BPIFB4: variants seen among roughly 807,000 people sequenced by gnomAD.
The protein encoded by BPIFB4 is BPI fold-containing family B member 4.
Under a neutral mutation model 69.2 loss-of-function variants are expected in BPIFB4, and 62 were observed. The ratio of observed to expected loss-of-function variants is 0.90; its 90% CI spans 0.73 to 1.11. BPIFB4 has a LOEUF of 1.11. Ranked by LOEUF, BPIFB4 falls within the 50% of genes least tolerant of loss-of-function variation. The probability of loss-of-function intolerance (pLI) is 0.00; values close to 1 mark genes in which losing one functional copy is unlikely to be tolerated. For missense variants in BPIFB4, 789 were observed against 792.0 expected, an observed-to-expected ratio of 1.00 and a Z score of 0.04; for synonymous variants, 330 against 332.7, an observed-to-expected ratio of 0.99 and a Z score of 0.09.
At chr20:33,100,290 A>C in intron 13 of BPIFB4, 136 bp from the exon 14 acceptor site, 1 of 663,248 alleles carries the variant, frequency 1.5e-6, no homozygotes, top group South Asian at 2.1e-5. Flanking sequence ...GGTCTGACCC[A>C]GGCCTCGGGG....
Position 33,081,631 on chromosome 20 carries a change from T to C in BPIFB4, c.105T>C (p.Asn35=). The change falls in exon 3 of 18, where the codon AAT becomes AAC. Residue 35 remains asparagine (N), a splice_region_variant and synonymous_variant. Coordinates refer to ENST00000375483, the MANE Select transcript of BPIFB4 (RefSeq NM_182519.3). ...GGGTGACGAAAGATGTGTTGAGCAA[T>C]GGTGAGTCCAGCCCCAAAGGGGTGA... ...VLRVTKDVLS[N]AISGMLQQSD... is the part of the protein sequence containing the mutation. The C allele has an allele frequency of 6.4e-7, 1 of 1,551,610 alleles. No individual in the cohort carries two copies. Among genetic ancestry groups the C allele is most frequent in the Middle Eastern group, 1.7e-4 (1 of 5,992 alleles).
At chr20:33,082,900 G>A (rs1384696018) in intron 3 of BPIFB4, 38 bp from the exon 4 acceptor site, 4 of 1,587,418 alleles carry the variant, frequency 2.5e-6, no homozygotes, top group Non-Finnish European at 3.5e-6. Context: ...GTGGAAAAAA[G>A]GGAGGAACCC....
At chr20:33,089,262 C>T (rs542352381) in intron 8 of BPIFB4, among the ~76,000 whole-genome samples, 4 of 152,298 alleles carry the variant, frequency 2.6e-5, no homozygotes, top group East Asian at 3.9e-4. Flanking sequence ...GGGTTTGAAT[C>T]CCGGCTTGGG....
In BPIFB4 at chr20:33,083,386, CA is replaced by C; in HGVS notation, c.191del (p.Asn64MetfsTer169). 1 of 1,613,342 alleles carries C rather than the reference CA, an allele frequency of 6.2e-7. No individual in the cohort carries two copies. Among genetic ancestry groups the C allele is most frequent in the Non-Finnish European group, 8.5e-7 (1 of 1,179,562 alleles). On this transcript the variant is annotated frameshift_variant, in exon 5 of 18. Transcript: ENST00000375483. LOFTEE classifies it high-confidence loss of function. Reference protein sequence around the residue: ...VPLGVGDIPYNDFHVRGPPPV... With the variant: ...VPLGVGDIPYXDFHVRGPPPV... ...CCCGAGGTGTTGGTGATATTCCCTA[CA>C]ATGACTTCCATGTCCGAGGACCCCC...
chr20:33,085,154 G>A (rs1447487642), intron 6 of BPIFB4, among the ~76,000 whole-genome samples, 158 bp downstream of exon 6: 1 of 152,218 alleles, frequency 6.6e-6, no homozygotes, highest in Non-Finnish European at 1.5e-5. Flanking sequence ...TAGCACAGTG[G>A]TTAAGATCTG....
intron 7 of BPIFB4, among the ~76,000 whole-genome samples, chr20:33,086,601 G>A (rs1383241178): frequency 6.6e-6 from 1 of 152,154 alleles, no homozygotes; most frequent in Non-Finnish European, 1.5e-5. Context: ...CAGGAATTGA[G>A]ATAAGGAATG....
At position 33,086,025 on chromosome 20, in the gene BPIFB4, A is replaced by G. The variant is rs751800937; in HGVS notation, c.787A>G (p.Ile263Val). 6.2e-7 allele frequency: 1 copy of G among 1,607,174 alleles called. No homozygotes were observed. The highest frequency in any genetic ancestry group is 8.5e-7 in the Non-Finnish European group (1 of 1,174,344). Reference sequence around the variant, plus strand: ...TGGCCCCTTGGCCTCCTCCAGTCTTATTGGCTTCCTGGACATCGCAGTAGA... The same window carrying G: ...TGGCCCCTTGGCCTCCTCCAGTCTTGTTGGCTTCCTGGACATCGCAGTAGA... ...TRVAINGKSL[I>V]GFLDIAVEVN... is the part of the protein sequence containing the mutation. The change falls in exon 7 of 18, where the codon ATT becomes GTT. Residue 263 changes from isoleucine to valine, a missense_variant. By Grantham distance (29) the Ile-to-Val change is conservative (BLOSUM62 3). Coordinates refer to ENST00000375483, the MANE Select transcript of BPIFB4 (RefSeq NM_182519.3).
chr20:33,088,466 T>C (rs1981500499), intron 7 of BPIFB4, among the ~76,000 whole-genome samples: 1 of 152,246 alleles, frequency 6.6e-6, no homozygotes, highest in African/African-American at 2.4e-5. Flanking sequence ...ATCCATCCTT[T>C]CTTGTGGATC....
chr20:33,086,156 G>T lies in BPIFB4; in HGVS notation c.918G>T (p.Leu306=), dbSNP rs1453687850. ...DTLLGGIKVK[L]LRGLLPNLVD... ...TCCTAGGGGGCATCAAAGTCAAGCT[G>T]CTGCGAGGGTGAGTGCTAGCCGGCA... Residue 306 remains leucine (L), a synonymous_variant, in exon 7 of 18, where the codon CTG becomes CTT. Coordinates refer to ENST00000375483, the MANE Select transcript of BPIFB4 (RefSeq NM_182519.3). 1 of 1,605,446 alleles carries T rather than the reference G, an allele frequency of 6.2e-7. No homozygotes were observed. The highest frequency in any genetic ancestry group is 8.5e-7 in the Non-Finnish European group (1 of 1,172,858).
intron 11 of BPIFB4, among the ~76,000 whole-genome samples, chr20:33,094,864 A>C (rs1380808684): frequency 6.6e-6 from 1 of 151,902 alleles, no homozygotes; most frequent in Non-Finnish European, 1.5e-5. Flanking sequence ...TCTTTGAAAC[A>C]CTCCTTGGTC....
chr20:33,083,228 G>A (rs1179750016), intron 4 of BPIFB4, 139 bp from the exon 5 acceptor site: 7 of 719,278 alleles, frequency 9.7e-6, no homozygotes, highest in South Asian at 3.3e-5. Flanking sequence ...GGGTGGCAGT[G>A]GTGGGGGGCT....
At chr20:33,093,350 C>T (rs987677815) in intron 11 of BPIFB4, among the ~76,000 whole-genome samples, 4 of 151,360 alleles carry the variant, frequency 2.6e-5, no homozygotes, top group African/African-American at 7.3e-5. Context: ...TATTTATCCA[C>T]CAGTCCTTCC....
chr20:33,103,583 C>G (rs1335808876), intron 15 of BPIFB4, among the ~76,000 whole-genome samples: 1 of 151,396 alleles, frequency 6.6e-6, no homozygotes, highest in East Asian at 1.9e-4. Flanking sequence ...TCTTGGGTGC[C>G]CCACCCCCAC....
chr20:33,111,724 T>G lies in BPIFB4; in HGVS notation c.*287T>G, dbSNP rs1004110295. 5 of 432,272 alleles carry G rather than the reference T, an allele frequency of 1.2e-5. No individual in the cohort carries two copies. Among genetic ancestry groups the G allele is most frequent in the African/African-American group, 9.7e-5 (5 of 51,388 alleles). The allele number at this position is 432,272 out of a possible 1,614,324, so 26.8% of individuals were successfully genotyped here. A position where few individuals can be genotyped will look rare whatever the true frequency, so the allele number is the denominator to read the frequency against. On this transcript the variant is annotated 3_prime_UTR_variant, in exon 18 of 18. Coordinates refer to ENST00000375483, the MANE Select transcript of BPIFB4 (RefSeq NM_182519.3). ...TGACAGCAGGTTGAGTATTCCCACT[T>G]TCAATAAAAGACTCCACTTTCCCGG...
intron 17 of BPIFB4, among the ~76,000 whole-genome samples, chr20:33,109,291 T>TTCATCA (rs3049389): frequency 3.0e-4 from 45 of 152,144 alleles, no homozygotes; most frequent in African/African-American, 1.1e-3. Flanking sequence ...CAGGTTTATC[T>TTCATCA]TCATCATCAT....
chr20:33,104,862 C>CCG lies in BPIFB4; in HGVS notation c.1735_1736dup (p.Met580GlnfsTer2), dbSNP rs1982003522. ...AAGATTTTTGACCTGGCATTCATGC[C>CCG]CGCAATGAACGGTGAGAGCGGGTGC... On this transcript the variant is annotated frameshift_variant, in exon 16 of 18. Transcript: ENST00000375483. LOFTEE classifies it high-confidence loss of function. 1 of 1,613,936 alleles carries CCG rather than the reference C, an allele frequency of 6.2e-7. No homozygotes were observed. Among genetic ancestry groups the CCG allele is most frequent in the Non-Finnish European group, 8.5e-7 (1 of 1,179,994 alleles).
At chr20:33,090,025 G>A (rs2146406912) in intron 9 of BPIFB4, among the ~76,000 whole-genome samples, 2 of 152,288 alleles carry the variant, frequency 1.3e-5, no homozygotes, top group Middle Eastern at 3.4e-3. Context: ...CCACCATCTC[G>A]GACCCTGATT....
rs745470878 is a variant in BPIFB4 at position 33,102,960 on chromosome 20, C to T, written c.1638-12C>T. 6.8e-6 allele frequency: 11 copies of T among 1,613,966 alleles called. No homozygotes were observed. The highest frequency in any genetic ancestry group is 9.3e-6 in the Non-Finnish European group (11 of 1,179,810). On this transcript the variant is annotated splice_polypyrimidine_tract_variant and intron_variant, in intron 14 of 17. Coordinates refer to ENST00000375483, the MANE Select transcript of BPIFB4 (RefSeq NM_182519.3). Reference sequence around the variant, plus strand: ...ATCCCTGCTTCTCACAGGCTGTTTTCTTCGTCTACAGGACCAGCCTCAACC... The same window carrying T: ...ATCCCTGCTTCTCACAGGCTGTTTTTTTCGTCTACAGGACCAGCCTCAACC...
intron 15 of BPIFB4, 22 bp from the exon 16 acceptor site, chr20:33,104,788 T>C (rs1289231153): frequency 1.9e-6 from 3 of 1,613,226 alleles, no homozygotes; most frequent in Non-Finnish European, 2.5e-6. Flanking sequence ...GCCCAGGCTC[T>C]GTCCTCCTTC....
Sources: allele counts gnomAD v4.1 joint callset (sites outside exome capture counted in the v4.1 genomes callset), GRCh38; gene constraint gnomAD v4.1.1; transcripts MANE v1.5; gene names NCBI Gene and HGNC (gene_info 2026-07-23, HGNC 2026-07-21).